TAF6: variants seen among roughly 807,000 people sequenced by gnomAD.
The protein encoded by TAF6 is transcription initiation factor TFIID subunit 6.
TAF6 carries 50 observed loss-of-function variants against 73.5 expected under a neutral mutation model. That is an observed-to-expected ratio of 0.68 (90% CI 0.54 to 0.86). The LOEUF (loss-of-function observed/expected upper bound fraction) is 0.86, where lower values mean the gene tolerates loss of function less well. Ranked by LOEUF, TAF6 falls within the 40% of genes least tolerant of loss-of-function variation. TAF6 has a pLI of 0.00. For synonymous variants in TAF6, 424 were observed against 376.7 expected, an observed-to-expected ratio of 1.13 and a Z score of -1.45; for missense variants, 768 against 899.5, an observed-to-expected ratio of 0.85 and a Z score of 1.87.
intron 8 of TAF6, 21 bp from the exon 9 acceptor site, chr7:100,111,850 G>T: frequency 6.2e-7 from 1 of 1,614,182 alleles, no homozygotes; most frequent in Non-Finnish European, 8.5e-7. Flanking sequence ...GAGAAGTGCT[G>T]GGCATGGGGC....
chr7:100,118,998 C>T, intron 1 of TAF6: 1 of 985,476 alleles, frequency 1.0e-6, no homozygotes, highest in Non-Finnish European at 1.2e-6. Flanking sequence ...AAACACGCTA[C>T]AGTCACAGGA....
rs1797930612 is a variant in TAF6 at position 100,119,192 on chromosome 7, C to G, written c.-60+12G>C. 1 of 990,124 alleles carries G rather than the reference C, an allele frequency of 1.0e-6. No individual in the cohort carries two copies. Among genetic ancestry groups the G allele is most frequent in the Non-Finnish European group, 1.2e-6 (1 of 832,470 alleles). The allele number at this position is 990,124 out of a possible 1,614,324, so 61.3% of individuals were successfully genotyped here. ...CACACGGGGTCCCCACGAGCACAGA[C>G]ACACAACCAACCGTCCTCTTTCCAG... On this transcript the variant is annotated intron_variant, in intron 1 of 14. Coordinates refer to ENST00000453269, the MANE Select transcript of TAF6 (RefSeq NM_139315.3).
At chr7:100,110,714 G>C (rs759299783) in intron 10 of TAF6, among the ~76,000 whole-genome samples, 11 of 152,238 alleles carry the variant, frequency 7.2e-5, no homozygotes, top group Non-Finnish European at 2.9e-5. Flanking sequence ...GGGAGGCTGA[G>C]GCAGGAGAAT....
chr7:100,124,826 G>A, upstream of TAF6: 1 of 1,612,810 alleles, frequency 6.2e-7, no homozygotes, highest in Non-Finnish European at 8.5e-7. Context: ...GGAGGAAGAG[G>A]AAGGGGGAGA....
chr7:100,125,355 TG>T, the TAF6 span: 1 of 159,320 alleles, frequency 6.3e-6, no homozygotes, highest in Non-Finnish European at 1.4e-5. Flanking sequence ...TGAAGGAGAA[TG>T]GGACACTGGG....
Position 100,119,271 on chromosome 7 carries a change from C to CCCGCCA in TAF6, c.-133_-128dup. 9.7e-7 allele frequency: 1 copy of CCCGCCA among 1,027,096 alleles called. No homozygotes were observed. The highest frequency in any genetic ancestry group is 1.2e-6 in the Non-Finnish European group (1 of 853,256). 63.6% of individuals were successfully genotyped at this position (1,027,096 alleles called of 1,614,324 possible). ...CTCCGGGGTACCACTCAGACCCGCC[C>CCCGCCA]CCGCCACCCGAGCGCGGGGAGCAGG... On this transcript the variant is annotated 5_prime_UTR_variant, in exon 1 of 15. Coordinates refer to ENST00000453269, the MANE Select transcript of TAF6 (RefSeq NM_139315.3).
upstream of TAF6, chr7:100,121,108 A>ATTTT (rs1562938218): frequency 6.7e-4 from 12 of 17,894 alleles, no homozygotes; most frequent in Non-Finnish European, 1.1e-3. Context: ...ATATATATAT[A>ATTTT]TATATATATT....
intron 1 of TAF6, chr7:100,118,986 T>TA: frequency 1.0e-6 from 1 of 985,326 alleles, no homozygotes; most frequent in Non-Finnish European, 1.2e-6. Flanking sequence ...TAAAGGCTCA[T>TA]AAAACACGCT....
Position 100,107,307 on chromosome 7 carries a change from G to T in TAF6, c.1973C>A (p.Pro658Gln), listed in dbSNP as rs777385782. 1.2e-5 allele frequency: 19 copies of T among 1,529,118 alleles called. No individual in the cohort carries two copies. Among genetic ancestry groups the T allele is most frequent in the Non-Finnish European group, 1.7e-5 (19 of 1,139,232 alleles). 94.7% of individuals were successfully genotyped at this position (1,529,118 alleles called of 1,614,324 possible). A position where few individuals can be genotyped will look rare whatever the true frequency, so the allele number is the denominator to read the frequency against. ...GGAGCCATTGGCTTTTGGAGTCCCT[G>T]GAGCTGGAGGGGGACTGTCCCCAGC... ...QEAGDSPPPA[P>Q]GTPKANGSQP... Residue 658 changes from proline to glutamine, a missense_variant, in exon 15 of 15, where the codon CCA (proline) becomes CAA (glutamine). Physicochemically the swap from Pro to Gln is moderately conservative, Grantham distance 76. Coordinates refer to ENST00000453269, the MANE Select transcript of TAF6 (RefSeq NM_139315.3).
At chr7:100,117,307 T>C (rs964893566) in intron 1 of TAF6, among the ~76,000 whole-genome samples, 1 of 149,300 alleles carries the variant, frequency 6.7e-6, no homozygotes, top group Non-Finnish European at 1.5e-5. Flanking sequence ...GTTTCACTCT[T>C]GTTGTCCAGG....
In TAF6 at chr7:100,107,928, G is replaced by C. The variant is rs1796718241; in HGVS notation, c.1654C>G (p.Gln552Glu). 1 of 1,607,652 alleles carries C rather than the reference G, an allele frequency of 6.2e-7. No homozygotes were observed. ...SSSSSAPSTQ[Q>E]VLSLSTSAPG... Reference sequence around the variant, plus strand: ...CCCTGTCCCACAGCTCTGCATACCTGCTGGGTGGATGGGGCGCTGGAGGAC... The same window carrying C: ...CCCTGTCCCACAGCTCTGCATACCTCCTGGGTGGATGGGGCGCTGGAGGAC... Residue 552 changes from glutamine to glutamate, a missense_variant and splice_region_variant, in exon 14 of 15, where the codon CAG (glutamine) becomes GAG (glutamate). By Grantham distance (29) the Gln-to-Glu change is conservative. This residue lies in a region of TAF6 where 350 missense variants were observed against 352.3 expected (regional missense o/e 0.99). Coordinates refer to ENST00000453269, the MANE Select transcript of TAF6 (RefSeq NM_139315.3).
At chr7:100,118,055 A>C (rs564110293) in intron 1 of TAF6, among the ~76,000 whole-genome samples, 16 of 150,288 alleles carry the variant, frequency 1.1e-4, no homozygotes, top group African/African-American at 3.9e-4. Context: ...CAAAAAAAAA[A>C]AAAAAACAAA....
At chr7:100,109,478 G>A (rs868677756) in intron 12 of TAF6, among the ~76,000 whole-genome samples, 2 of 152,136 alleles carry the variant, frequency 1.3e-5, no homozygotes, top group African/African-American at 4.8e-5. Context: ...TGGTCCAAAT[G>A]CCACAGGCTG....
At chr7:100,122,480 G>A, upstream of TAF6, 1 of 1,614,042 alleles carries the variant, frequency 6.2e-7, no homozygotes, top group East Asian at 2.2e-5. Flanking sequence ...TCTTTCCACA[G>A]AGAGACAAGG....
chr7:100,124,478 A>G (rs749647429), upstream of TAF6: 1 of 1,516,088 alleles, frequency 6.6e-7, no homozygotes, highest in South Asian at 1.1e-5. Flanking sequence ...AAATCCCTCC[A>G]GAGCAGATAC....
At position 100,111,313 on chromosome 7, in the gene TAF6, C is replaced by T; in HGVS notation, c.909G>A (p.Glu303=). 6.2e-7 allele frequency: 1 copy of T among 1,613,216 alleles called. No homozygotes were observed. The highest frequency in any genetic ancestry group is 8.5e-7 in the Non-Finnish European group (1 of 1,179,272). The change falls in exon 10 of 15, where the codon GAG becomes GAA. Residue 303 remains glutamate (E), a synonymous_variant. Transcript: ENST00000453269. ...PTLYLEKYVH[E]LIPAVMTCIV... Reference sequence around the variant, plus strand: ...TGCAGGTCATCACAGCTGGAATCAGCTCATGGACCTAAGGGAGAAAGGGCG... The same window carrying T: ...TGCAGGTCATCACAGCTGGAATCAGTTCATGGACCTAAGGGAGAAAGGGCG...
upstream of TAF6, chr7:100,121,038 C>CTTCATCA (rs374137222): frequency 4.5e-3 from 534 of 119,700 alleles, 2 homozygotes; most frequent in African/African-American, 0.016. Flanking sequence ...TTTATTTAAT[C>CTTCATCA]TTCATCACAC....
Position 100,107,991 on chromosome 7 carries a change from G to T in TAF6, c.1591C>A (p.Pro531Thr). Residue 531 changes from proline (P) to threonine (T), a missense_variant, in exon 14 of 15, where the codon CCT (proline) becomes ACT (threonine). Around this residue, in one of 5 missense-constraint regions of TAF6, gnomAD observed 350 missense variants for 352.3 expected, o/e 0.99. Coordinates refer to ENST00000453269, the MANE Select transcript of TAF6 (RefSeq NM_139315.3). The stretch of plus-strand genomic sequence containing the variant: ...ATAAACTTGGTTGGAGGAGGGGAAG[G>T]CTGTGGTGGGGCAGCCGCTCGTGCA... ...VSARAAAPPQ[P>T]SPPPTKFIVM... 6.2e-7 allele frequency: 1 copy of T among 1,614,050 alleles called. No individual in the cohort carries two copies. The highest frequency in any genetic ancestry group is 8.5e-7 in the Non-Finnish European group (1 of 1,179,986).
chr7:100,112,899 T>A lies in TAF6; in HGVS notation c.473A>T (p.Lys158Met), dbSNP rs1045349492. Residue 158 changes from lysine to methionine, a missense_variant, in exon 6 of 15, where the codon AAG becomes ATG. By Grantham distance (95) the Lys-to-Met change is moderately conservative (BLOSUM62 -1). Transcript: ENST00000453269. The part of the protein sequence containing the change: ...NPPPAPKEQQ[K>M]AEATEPLKSA... ...CTTCAGGGGTTCTGTGGCTTCAGCC[T>A]TCTGTTGCTCTTTGGGAGCTGGTGG... The A allele has an allele frequency of 2.3e-5, 37 of 1,612,984 alleles. No homozygotes were observed. The highest frequency in any genetic ancestry group is 3.1e-5 in the Non-Finnish European group (36 of 1,179,348).
Sources: gnomAD v4.1 joint callset for allele counts (sites outside exome capture counted in the v4.1 genomes callset) on GRCh38, gnomAD v4.1.1 for gene constraint, gnomAD v4.1.1 regional missense constraint, MANE v1.5 for transcripts, NCBI Gene and HGNC (gene_info 2026-07-23, HGNC 2026-07-21) for gene names.